SLC25A21: variants seen among roughly 807,000 people sequenced by gnomAD.
SLC25A21 encodes solute carrier family 25 member 21.
A neutral mutation model predicts 43.8 loss-of-function variants in SLC25A21; 47 were observed. The observed-to-expected ratio is 1.07, with a 90% CI of 0.85 to 1.37. SLC25A21 has a LOEUF of 1.37. Among genes scored for constraint, SLC25A21 ranks in the 40% most tolerant of loss-of-function variants. SLC25A21 has a pLI of 0.00. For missense variants in SLC25A21, 352 were observed against 350.2 expected, an observed-to-expected ratio of 1.00 and a Z score of -0.04; for synonymous variants, 131 against 121.3, an observed-to-expected ratio of 1.08 and a Z score of -0.52.
intron 1 of SLC25A21, among the ~76,000 whole-genome samples, chr14:36,936,199 T>C (rs1446542857): frequency 6.6e-6 from 1 of 152,188 alleles, no homozygotes; most frequent in Non-Finnish European, 1.5e-5. Flanking sequence ...ACACCCATCC[T>C]GATCCCTCTT....
chr14:37,152,594 C>T lies in SLC25A21; in HGVS notation c.70+19687G>A, dbSNP rs548524345. On this transcript the variant is annotated intron_variant, in intron 1 of 9. Transcript: ENST00000331299. ...ACCTTAAAAATGTGAGCCTGCAGAG[C>T]GCAGAGAAGTCAGAAACACAGTTCT... Among the ~76,000 whole-genome samples the T allele has an allele frequency of 1.4e-4, 21 of 152,066 alleles. No homozygotes were observed. The South Asian group carries it at 3.3e-3, about 24-fold the overall frequency.
chr14:37,105,724 G>A (rs991184805), intron 1 of SLC25A21, among the ~76,000 whole-genome samples: 2 of 151,964 alleles, frequency 1.3e-5, no homozygotes, highest in Non-Finnish European at 2.9e-5. Flanking sequence ...AGACATAAAG[G>A]TCTATTATTA....
intron 1 of SLC25A21, among the ~76,000 whole-genome samples, chr14:37,006,467 A>C (rs545757104): frequency 6.6e-6 from 1 of 152,152 alleles, no homozygotes; most frequent in Admixed American, 6.6e-5. Flanking sequence ...ACTTGCTAAA[A>C]TAAAGTCCCT....
At chr14:37,147,286 A>T (rs1190449729) in intron 1 of SLC25A21, among the ~76,000 whole-genome samples, 1 of 152,256 alleles carries the variant, frequency 6.6e-6, no homozygotes, top group East Asian at 1.9e-4. Context: ...CACAATTGCA[A>T]TGACAAAGGC....
chr14:36,684,610 T>C, intron 8 of SLC25A21, 134 bp downstream of exon 8: 1 of 749,190 alleles, frequency 1.3e-6, no homozygotes, highest in Non-Finnish European at 2.1e-6. Context: ...AAGTTTGTCA[T>C]ATATATTCGC....
intron 1 of SLC25A21, among the ~76,000 whole-genome samples, chr14:37,008,871 C>T (rs1328165932): frequency 6.6e-6 from 1 of 152,326 alleles, no homozygotes; most frequent in South Asian, 2.1e-4. Flanking sequence ...TATTTTACTG[C>T]TTCCAATCCA....
At chr14:37,040,369 G>GAAAGAAAGAA (rs1555343487) in intron 1 of SLC25A21, among the ~76,000 whole-genome samples, 1 of 28,282 alleles carries the variant, frequency 3.5e-5, no homozygotes, top group East Asian at 1.1e-3. Context: ...AAGAGAGAGA[G>GAAAGAAAGAA]AGAGAGAAAG....
intron 3 of SLC25A21, among the ~76,000 whole-genome samples, chr14:36,813,254 C>T (rs966010242): frequency 6.6e-5 from 10 of 150,742 alleles, no homozygotes; most frequent in African/African-American, 2.4e-4. Context: ...CATATGTTTA[C>T]TGGATATGGT....
intron 1 of SLC25A21, among the ~76,000 whole-genome samples, chr14:37,154,484 C>G (rs778055218): frequency 6.6e-6 from 1 of 152,000 alleles, no homozygotes; most frequent in Non-Finnish European, 1.5e-5. Flanking sequence ...TGAAATATGA[C>G]TCTCCAAAGG....
chr14:36,763,066 G>A (rs2774037), intron 3 of SLC25A21, among the ~76,000 whole-genome samples: 24,297 of 152,102 alleles, frequency 0.16, 2,217 homozygotes, highest in Middle Eastern at 0.25. Flanking sequence ...CTTAAAGCAC[G>A]AAAAGCAAAG....
rs189279057 is a variant in SLC25A21, at chr14:37,133,476, G to T, written c.70+38805C>A. ...CCTCCTTCTCTTTCCCACTGCCACT[G>T]CCCTAACTTAAGTTTTCATCTACCC... On this transcript the variant is annotated intron_variant, in intron 1 of 9. Coordinates refer to ENST00000331299, the MANE Select transcript of SLC25A21 (RefSeq NM_030631.4). Among the ~76,000 whole-genome samples the T allele has an allele frequency of 1.2e-4, 18 of 151,612 alleles. No individual in the cohort carries two copies. In the South Asian group the frequency reaches 1.9e-3, roughly 16 times the overall value.
intron 1 of SLC25A21, among the ~76,000 whole-genome samples, chr14:37,014,923 G>A (rs1594752970): frequency 6.6e-6 from 1 of 152,020 alleles, no homozygotes; most frequent in African/African-American, 2.4e-5. Context: ...TGTTTTTCTT[G>A]GCAGTAGGTC....
chr14:37,066,268 A>C (rs190219599), intron 1 of SLC25A21, among the ~76,000 whole-genome samples: 60 of 152,302 alleles, frequency 3.9e-4, no homozygotes, highest in Non-Finnish European at 2.1e-4. Context: ...TATTTCTAAA[A>C]GGTAAGAGTG....
At chr14:36,680,790 G>T in intron 9 of SLC25A21, 71 bp from the exon 10 acceptor site, 1 of 1,432,194 alleles carries the variant, frequency 7.0e-7, no homozygotes, top group South Asian at 1.2e-5. Context: ...CTGGGTTTCT[G>T]AATCCATGAT....
chr14:36,802,372 A>G (rs760149228), intron 3 of SLC25A21, among the ~76,000 whole-genome samples: 3 of 152,194 alleles, frequency 2.0e-5, no homozygotes, highest in Non-Finnish European at 4.4e-5. Flanking sequence ...TTACATAACT[A>G]TGAATAGTTA....
At chr14:36,795,646 T>C (rs1887645499) in intron 3 of SLC25A21, among the ~76,000 whole-genome samples, 1 of 152,210 alleles carries the variant, frequency 6.6e-6, no homozygotes, top group Non-Finnish European at 1.5e-5. Flanking sequence ...GGGGCTACTG[T>C]GGATCCATGA....
intron 3 of SLC25A21, among the ~76,000 whole-genome samples, chr14:36,735,531 C>T (rs956687402): frequency 6.6e-6 from 1 of 152,090 alleles, no homozygotes; most frequent in Non-Finnish European, 1.5e-5. Context: ...TCTGATTCAC[C>T]CCCCAAGCTT....
chr14:37,092,768 C>A (rs1471633899), intron 1 of SLC25A21, among the ~76,000 whole-genome samples: 1 of 151,950 alleles, frequency 6.6e-6, no homozygotes, highest in Admixed American at 6.6e-5. Flanking sequence ...AAATTTATCC[C>A]ACCTTTTTTT....
intron 1 of SLC25A21, among the ~76,000 whole-genome samples, chr14:36,949,370 T>C (rs981372082): frequency 6.6e-6 from 1 of 152,234 alleles, no homozygotes; most frequent in Non-Finnish European, 1.5e-5. Flanking sequence ...TGTATCCCAA[T>C]GAAGATTTTT....
Sources: allele counts gnomAD v4.1 joint callset (sites outside exome capture counted in the v4.1 genomes callset), GRCh38; gene constraint gnomAD v4.1.1; transcripts MANE v1.5; gene names NCBI Gene and HGNC (gene_info 2026-07-23, HGNC 2026-07-21).